CADPS: variants seen among roughly 807,000 people sequenced by gnomAD.
CADPS encodes calcium dependent secretion activator.
A neutral mutation model predicts 167.3 loss-of-function variants in CADPS; 57 were observed. That is an observed-to-expected ratio of 0.34 (90% CI 0.28 to 0.42). The LOEUF is 0.42. CADPS is among the 20% of genes least tolerant of loss of function. The pLI is 1.00. For missense variants in CADPS, 1,414 were observed against 1,738.1 expected, an observed-to-expected ratio of 0.81 and a Z score of 3.32; for synonymous variants, 676 against 635.3, an observed-to-expected ratio of 1.06 and a Z score of -0.96.
At chr3:62,863,401 T>C (rs2081157705) in intron 1 of CADPS, among the ~76,000 whole-genome samples, 1 of 152,176 alleles carries the variant, frequency 6.6e-6, no homozygotes, top group Non-Finnish European at 1.5e-5. Context: ...CTTGTAAATA[T>C]ATAGAACAGT....
chr3:62,580,294 G>T (rs1578173559), intron 8 of CADPS, among the ~76,000 whole-genome samples: 1 of 152,158 alleles, frequency 6.6e-6, no homozygotes, highest in East Asian at 1.9e-4. Context: ...TAGGGACATG[G>T]ATGAAACTGG....
At chr3:62,483,911 A>C (rs1197965544) in intron 21 of CADPS, among the ~76,000 whole-genome samples, 1 of 152,232 alleles carries the variant, frequency 6.6e-6, no homozygotes, top group African/African-American at 2.4e-5. Context: ...GGCAGCCCGG[A>C]AAGTTAAAAT....
At chr3:62,500,466 G>C (rs759643730) in intron 17 of CADPS, 1 of 152,108 alleles carries the variant, frequency 6.6e-6, no homozygotes, top group Non-Finnish European at 1.5e-5. Flanking sequence ...AAAACATAAA[G>C]GTTTTCTTGG....
rs558629797 is a variant in CADPS at position 62,616,829 on chromosome 3, T to A, written c.1326-24081A>T. ...CTAATGCTACAGATACTTATCATATTATCTATATATTGTTATTATGCCCCA... is the reference window on the plus strand; with the variant it reads ...CTAATGCTACAGATACTTATCATATAATCTATATATTGTTATTATGCCCCA... On this transcript the variant is annotated intron_variant, in intron 6 of 29. Coordinates refer to ENST00000383710, the MANE Select transcript of CADPS (RefSeq NM_003716.4). Among the ~76,000 whole-genome samples the A allele has an allele frequency of 2.0e-5, 3 of 152,328 alleles. No homozygotes were observed. The East Asian group carries it at 5.8e-4, about 29-fold the overall frequency.
At chr3:62,822,820 C>T (rs1035656658) in intron 1 of CADPS, among the ~76,000 whole-genome samples, 8 of 151,284 alleles carry the variant, frequency 5.3e-5, no homozygotes, top group Non-Finnish European at 1.2e-4. Flanking sequence ...CCAGCCTGTG[C>T]GACAGAGTGA....
chr3:62,846,769 T>A (rs1015353731), intron 1 of CADPS, among the ~76,000 whole-genome samples: 1 of 152,092 alleles, frequency 6.6e-6, no homozygotes, highest in Non-Finnish European at 1.5e-5. Context: ...GTTCGAGCAA[T>A]TCTTTTGATT....
chr3:62,432,122 G>C (rs1375775028), intron 28 of CADPS, among the ~76,000 whole-genome samples: 1 of 151,960 alleles, frequency 6.6e-6, no homozygotes, highest in Non-Finnish European at 1.5e-5. Context: ...TTTGTTGAGG[G>C]GGTAGAGCTA....
intron 1 of CADPS, among the ~76,000 whole-genome samples, chr3:62,814,755 G>A (rs1250628880): frequency 6.6e-6 from 1 of 152,076 alleles, no homozygotes; most frequent in Non-Finnish European, 1.5e-5. Flanking sequence ...TGAAGCTAGG[G>A]TATGCTTTAT....
At chr3:62,507,986 T>C (rs1468208555) in intron 17 of CADPS, among the ~76,000 whole-genome samples, 1 of 152,098 alleles carries the variant, frequency 6.6e-6, no homozygotes, top group African/African-American at 2.4e-5. Flanking sequence ...AAAATAAAAG[T>C]GAGGTTACAG....
chr3:62,785,445 A>G (rs1195146361), intron 1 of CADPS, among the ~76,000 whole-genome samples: 2 of 152,196 alleles, frequency 1.3e-5, no homozygotes, highest in Non-Finnish European at 2.9e-5. Flanking sequence ...TTGCTTTGCC[A>G]TCCATCGTTT....
At chr3:62,548,677 A>C (rs1235822334) in intron 11 of CADPS, among the ~76,000 whole-genome samples, 1 of 152,252 alleles carries the variant, frequency 6.6e-6, no homozygotes. Context: ...TATTCTGTTT[A>C]AGAGCAACAG....
intron 6 of CADPS, among the ~76,000 whole-genome samples, chr3:62,599,746 ATCTAT>A (rs1289872807): frequency 1.5e-4 from 3 of 20,512 alleles, no homozygotes; most frequent in African/African-American, 2.3e-4. Context: ...AATATATATA[ATCTAT>A]TATATATATT....
chr3:62,625,259 C>T (rs940018159), intron 6 of CADPS: 2 of 149,548 alleles, frequency 1.3e-5, no homozygotes, highest in Non-Finnish European at 3.0e-5. Context: ...GGTTTTATAG[C>T]AGAAACAAAG....
intron 6 of CADPS, among the ~76,000 whole-genome samples, chr3:62,640,782 A>G (rs916737088): frequency 6.6e-6 from 1 of 152,130 alleles, no homozygotes; most frequent in African/African-American, 2.4e-5. Flanking sequence ...GCTAATTCAA[A>G]TTTCCTTTCT....
intron 1 of CADPS, among the ~76,000 whole-genome samples, chr3:62,794,838 A>G (rs1576503295): frequency 6.6e-6 from 1 of 150,534 alleles, no homozygotes; most frequent in East Asian, 2.0e-4. Flanking sequence ...TTCTGGTCTC[A>G]GTAGTCTAGG....
At chr3:62,489,581 G>A (rs1351652860) in intron 21 of CADPS, among the ~76,000 whole-genome samples, 2 of 152,224 alleles carry the variant, frequency 1.3e-5, no homozygotes, top group South Asian at 2.1e-4. Context: ...TTGCAGGGGA[G>A]CAAACAAGTT....
chr3:62,743,699 G>A (rs2080823596), intron 3 of CADPS, among the ~76,000 whole-genome samples: 1 of 152,090 alleles, frequency 6.6e-6, no homozygotes, highest in Non-Finnish European at 1.5e-5. Flanking sequence ...ATTAAATCAG[G>A]AAACACTTGG....
rs2059864358 is a variant in CADPS, at chr3:62,465,668, T to C, written c.3553-218A>G. 2.6e-5 allele frequency among the ~76,000 whole-genome samples: 4 copies of C among 152,326 alleles called. No homozygotes were observed. Among genetic ancestry groups the C allele is most frequent in the African/African-American group, 9.6e-5 (4 of 41,570 alleles). ...CTCTTCATTATTATGTGATTGCAAA[T>C]ATAGAGTGTTACAGAAGTGCAAAGT... On this transcript the variant is annotated intron_variant, in intron 25 of 29. Transcript: ENST00000383710. This position sits in a 1 kb window ranked among gnomAD's most constrained non-coding sequence, Gnocchi z 4.1.
At chr3:62,676,911 T>C (rs965644457) in intron 3 of CADPS, among the ~76,000 whole-genome samples, 2 of 152,152 alleles carry the variant, frequency 1.3e-5, no homozygotes, top group African/African-American at 4.8e-5. Flanking sequence ...GGGGCTTTGA[T>C]GCAGGAAGGA....
Sources: allele counts gnomAD v4.1 joint callset (sites outside exome capture counted in the v4.1 genomes callset), GRCh38; gene constraint gnomAD v4.1.1; non-coding constraint Gnocchi (gnomAD v3.1); transcripts MANE v1.5; gene names NCBI Gene and HGNC (gene_info 2026-07-23, HGNC 2026-07-21).